The following SLIT3 variants were observed in gnomAD, a reference collection of about 807,000 sequenced individuals.
SLIT3 encodes the protein slit guidance ligand 3.
In SLIT3, 68 loss-of-function variants were observed where a neutral mutation model predicts 184.0. That is an observed-to-expected ratio of 0.37 (90% CI 0.30 to 0.45). SLIT3 has a LOEUF of 0.45. Among genes scored for constraint, SLIT3 ranks in the 20% least tolerant of loss-of-function variants. The pLI, the probability that SLIT3 is intolerant of heterozygous loss-of-function variation, is 1.00. For synonymous variants in SLIT3, 831 were observed against 828.6 expected (o/e 1.00, Z -0.05); for missense variants, 1,707 against 2,026.0 (o/e 0.84, Z 3.02).
At chr5:168,739,108 T>C (rs1260507796) in intron 20 of SLIT3, among the ~76,000 whole-genome samples, 6 of 152,222 alleles carry the variant, frequency 3.9e-5, no homozygotes, top group Non-Finnish European at 8.8e-5. Context: ...CAAAGGACAT[T>C]ATTTAAAAAA....
intron 4 of SLIT3, among the ~76,000 whole-genome samples, chr5:168,945,910 T>G (rs925918869): frequency 2.0e-5 from 3 of 152,268 alleles, no homozygotes; most frequent in Non-Finnish European, 4.4e-5. Flanking sequence ...ATGTCATGAT[T>G]GGATTAGAAA....
intron 4 of SLIT3, among the ~76,000 whole-genome samples, chr5:168,957,782 G>A (rs746161777): frequency 1.3e-5 from 2 of 152,070 alleles, no homozygotes; most frequent in Non-Finnish European, 2.9e-5. Flanking sequence ...TTGGGGGCGG[G>A]AGGGCCACAG....
At chr5:168,807,237 CAA>C (rs1757000473) in intron 8 of SLIT3, among the ~76,000 whole-genome samples, 1 of 152,112 alleles carries the variant, frequency 6.6e-6, no homozygotes, top group Non-Finnish European at 1.5e-5. Flanking sequence ...GAATTTCAAG[CAA>C]AGTGACAGAA....
chr5:169,133,950 C>G (rs1337407273), intron 4 of SLIT3, among the ~76,000 whole-genome samples: 1 of 152,200 alleles, frequency 6.6e-6, no homozygotes, highest in African/African-American at 2.4e-5. Context: ...TACTAGAGCA[C>G]AAGCTGTTAA....
chr5:168,842,686 C>A (rs1758312145), intron 6 of SLIT3, among the ~76,000 whole-genome samples: 1 of 152,174 alleles, frequency 6.6e-6, no homozygotes, highest in Non-Finnish European at 1.5e-5. Flanking sequence ...AAGCCCCACC[C>A]AGGTGTGTCT....
rs887276295 is a variant in SLIT3 at position 168,700,784 on chromosome 5, A to C, written c.2845-105T>G. ...AGCATTCTCTGTGATGAGGCTGGGG[A>C]GATGACAACAAGGAGCCCCTAGGAA... is the stretch of plus-strand genomic sequence containing the variant. On this transcript the variant is annotated intron_variant, in intron 26 of 35. Transcript: ENST00000519560. The C allele has an allele frequency of 6.2e-6, 5 of 811,288 alleles. No homozygotes were observed. The African/African-American group carries it at 8.4e-5, about 14-fold the overall frequency. 50.3% of individuals were successfully genotyped at this position (811,288 alleles called of 1,614,324 possible). A position where few individuals can be genotyped will look rare whatever the true frequency, so the allele number is the denominator to read the frequency against.
intron 30 of SLIT3, among the ~76,000 whole-genome samples, 167 bp downstream of exon 30, chr5:168,686,812 G>A (rs1379538301): frequency 6.6e-6 from 1 of 152,196 alleles, no homozygotes; most frequent in African/African-American, 2.4e-5. Flanking sequence ...TTCCCTCATG[G>A]GGACATGTAA....
chr5:169,042,056 A>T (rs2113025400), intron 4 of SLIT3, among the ~76,000 whole-genome samples: 1 of 152,332 alleles, frequency 6.6e-6, no homozygotes, highest in Non-Finnish European at 1.5e-5. Context: ...TGATGATTGC[A>T]TGTATAGTGC....
intron 6 of SLIT3, among the ~76,000 whole-genome samples, chr5:168,830,919 T>C (rs1472410389): frequency 6.6e-6 from 1 of 152,240 alleles, no homozygotes; most frequent in African/African-American, 2.4e-5. Context: ...ACCCATCCTT[T>C]ACTGGTCCCA....
rs184693277 is a variant in SLIT3, at chr5:168,666,590, C to A, written c.4436G>T (p.Arg1479Leu). ...TASKVPIMEC[R>L]GGCGPQCCQP... is the part of the protein sequence containing the mutation. ...GCAGCACTGGGGCCCACAGCCCCCA[C>A]GACATTCCATGATGGGCACCTTGGA... Residue 1479 changes from arginine (R) to leucine (L), a missense_variant, in exon 36 of 36, where the codon CGT (arginine) becomes CTT (leucine). Arg to Leu is a moderately radical substitution (Grantham distance 102). Around this residue, in one of 3 missense-constraint regions of SLIT3, gnomAD observed 387 missense variants for 477.9 expected, o/e 0.81. Transcript: ENST00000519560. 2.5e-6 allele frequency: 4 copies of A among 1,614,086 alleles called. No homozygotes were observed. Among genetic ancestry groups the A allele is most frequent in the Middle Eastern group, 1.6e-4 (1 of 6,082 alleles).
At chr5:168,676,337 A>G (rs1467250218) in intron 32 of SLIT3, among the ~76,000 whole-genome samples, 1 of 152,218 alleles carries the variant, frequency 6.6e-6, no homozygotes. Flanking sequence ...CCTTTCCTAT[A>G]AAGTAAATGA....
intron 4 of SLIT3, among the ~76,000 whole-genome samples, chr5:169,060,161 C>T (rs191463826): frequency 1.6e-4 from 25 of 152,248 alleles, no homozygotes; most frequent in Admixed American, 2.6e-4. Flanking sequence ...AGGCCAAGGC[C>T]GGTGAATCAT....
intron 20 of SLIT3, 75 bp from the exon 21 acceptor site, chr5:168,724,559 C>T (rs1033416992): frequency 1.5e-6 from 2 of 1,309,304 alleles, no homozygotes; most frequent in African/African-American, 1.4e-5. Context: ...AGAAGCCTCC[C>T]TGACTTTCCA....
At chr5:168,730,842 C>T (rs1184683250) in intron 20 of SLIT3, among the ~76,000 whole-genome samples, 1 of 151,660 alleles carries the variant, frequency 6.6e-6, no homozygotes, top group Non-Finnish European at 1.5e-5. Flanking sequence ...CAAAACAACC[C>T]CAAAGTTAGC....
chr5:169,239,397 T>C (rs960317969), intron 3 of SLIT3, among the ~76,000 whole-genome samples: 5 of 152,264 alleles, frequency 3.3e-5, no homozygotes, highest in African/African-American at 1.2e-4. Flanking sequence ...ATTAAGTTGC[T>C]ATACTTTATT....
At chr5:168,967,435 A>ATTTTTTTTTTTTTTT (rs556216624) in intron 4 of SLIT3, among the ~76,000 whole-genome samples, 5 of 30,756 alleles carry the variant, frequency 1.6e-4, no homozygotes, top group Non-Finnish European at 2.5e-4. Flanking sequence ...GCCATCTCAA[A>ATTTTTTTTTTTTTTT]TCTTTTTTTT....
At chr5:169,043,229 T>C (rs1162765524) in intron 4 of SLIT3, among the ~76,000 whole-genome samples, 1 of 152,246 alleles carries the variant, frequency 6.6e-6, no homozygotes, top group East Asian at 1.9e-4. Context: ...AAAGTCAGTT[T>C]TGCTTTGCAC....
chr5:168,964,249 C>T (rs1227210602), intron 4 of SLIT3, among the ~76,000 whole-genome samples: 8 of 152,150 alleles, frequency 5.3e-5, no homozygotes, highest in African/African-American at 9.7e-5. Context: ...ATATTAGGAA[C>T]GATTTAACTG....
intron 30 of SLIT3, among the ~76,000 whole-genome samples, chr5:168,686,375 T>C (rs1398160328): frequency 1.3e-5 from 2 of 152,236 alleles, no homozygotes; most frequent in Non-Finnish European, 2.9e-5. Flanking sequence ...ATGTGGCGCA[T>C]CCATCCAATG....
Sources: gnomAD v4.1 joint callset for allele counts (sites outside exome capture counted in the v4.1 genomes callset) on GRCh38, gnomAD v4.1.1 for gene constraint, gnomAD v4.1.1 regional missense constraint, MANE v1.5 for transcripts, NCBI Gene and HGNC (gene_info 2026-07-23, HGNC 2026-07-21) for gene names.